Variants in SAMD11 observed in about 807,000 individuals in gnomAD.
SAMD11 encodes sterile alpha motif domain-containing protein 11.
A neutral mutation model predicts 64.4 loss-of-function variants in SAMD11; 77 were observed. The observed-to-expected ratio is 1.20, with a 90% CI of 0.99 to 1.44. The LOEUF is 1.44. SAMD11 is among the 40% of genes most tolerant of loss of function. The pLI, the probability that SAMD11 is intolerant of heterozygous loss-of-function variation, is 0.00. For missense variants in SAMD11, 1,402 were observed against 943.3 expected (o/e 1.49, Z -6.37); for synonymous variants, 658 against 421.9 (o/e 1.56, Z -6.86).
intron 2 of SAMD11, among the ~76,000 whole-genome samples, chr1:926,758 T>G (rs549410465): frequency 2.0e-5 from 3 of 152,194 alleles, no homozygotes; most frequent in Non-Finnish European, 4.4e-5. Flanking sequence ...GTTAGAGGAT[T>G]GATCTGAAAA....
At chr1:933,608 C>T (rs374515586) in intron 4 of SAMD11, among the ~76,000 whole-genome samples, 1 of 152,204 alleles carries the variant, frequency 6.6e-6, no homozygotes, top group African/African-American at 2.4e-5. Flanking sequence ...CAGCCCTCAG[C>T]CCCCACCCCA....
At chr1:942,075 G>A (rs1032117043) in intron 8 of SAMD11, 61 bp from the exon 9 acceptor site, 47 of 504,020 alleles carry the variant, frequency 9.3e-5, no homozygotes, top group Non-Finnish European at 1.6e-4. Flanking sequence ...GGGGAGGGGC[G>A]CCGGGGCCTT....
At chr1:937,246 G>A (rs534710272) in intron 5 of SAMD11, among the ~76,000 whole-genome samples, 153 of 152,198 alleles carry the variant, frequency 1.0e-3, no homozygotes, top group Non-Finnish European at 1.8e-3. Context: ...GGGCCCTCCC[G>A]CTAAGCCGCA....
chr1:934,932 GGGGGGGGCGGCTGCGTTACAGGTGGGC>G (rs1457691411), intron 4 of SAMD11, among the ~76,000 whole-genome samples: 3 of 104,236 alleles, frequency 2.9e-5, no homozygotes, highest in African/African-American at 1.1e-4. Flanking sequence ...ACAGGTGGGC[GGGGGGGGCGGCTGCGTTACAGGTGGGC>G]GGGCGGTGCT....
rs201970889 is a variant in SAMD11 at position 931,090 on chromosome 1, G to C, written c.842+1G>C. On this transcript the variant is annotated splice_donor_variant, in intron 4 of 13. Transcript: ENST00000616016. LOFTEE classifies it high-confidence loss of function. Reference sequence around the variant, plus strand: ...TCTCTTTCCGAGAGGCGTCCTGCAGGTAGGAGCCGTGCTGTGCGTGCATAA... The same window carrying C: ...TCTCTTTCCGAGAGGCGTCCTGCAGCTAGGAGCCGTGCTGTGCGTGCATAA... 4 of 1,612,204 alleles carry C rather than the reference G, an allele frequency of 2.5e-6. No homozygotes were observed. The highest frequency in any genetic ancestry group is 3.4e-6 in the Non-Finnish European group (4 of 1,179,542).
intron 4 of SAMD11, among the ~76,000 whole-genome samples, chr1:931,966 G>A (rs536193448): frequency 5.9e-5 from 9 of 152,348 alleles, no homozygotes; most frequent in African/African-American, 2.2e-4. Flanking sequence ...CAGGAAGGAG[G>A]CGTCTGCCAC....
At position 941,230 on chromosome 1, in the gene SAMD11, G is replaced by C. The variant is rs759641902; in HGVS notation, c.1282G>C (p.Gly428Arg). 1.2e-6 allele frequency: 2 copies of C among 1,601,386 alleles called. No homozygotes were observed. The highest frequency in any genetic ancestry group is 1.1e-5 in the South Asian group (1 of 89,352). ...LEAHLPSSTAGQRRKQGLAQH... is the reference protein window; with the variant it reads ...LEAHLPSSTARQRRKQGLAQH... Reference sequence around the variant, plus strand: ...AGCCCACCTGCCCTCCTCCACGGCAGGTCAGCGTCGGAAGCAGGGCCTGGC... The same window carrying C: ...AGCCCACCTGCCCTCCTCCACGGCACGTCAGCGTCGGAAGCAGGGCCTGGC... The change falls in exon 8 of 14, where the codon GGT becomes CGT. Residue 428 changes from glycine to arginine, a missense_variant. Gly to Arg is a moderately radical substitution (Grantham distance 125). Transcript: ENST00000616016.
In SAMD11 at chr1:938,946, AG is replaced by A; in HGVS notation, c.968-93del. On this transcript the variant is annotated intron_variant, in intron 5 of 13. Transcript: ENST00000616016. ...TCACCAGGACCAAGGGCCCCCTGAG[AG>A]ATGGTGGGTGCGGTCCAGGCTGAGC... 4 of 1,119,192 alleles carry A rather than the reference AG, an allele frequency of 3.6e-6. No homozygotes were observed. In the South Asian group the frequency reaches 5.3e-5, roughly 15 times the overall value. 69.3% of individuals were successfully genotyped at this position (1,119,192 alleles called of 1,614,324 possible).
At chr1:943,496 G>T (rs909390085) in intron 12 of SAMD11, 119 bp downstream of exon 12, 98 of 1,032,266 alleles carry the variant, frequency 9.5e-5, no homozygotes, top group Non-Finnish European at 6.7e-5. Flanking sequence ...CAAAAGCAGT[G>T]CGCAGCAGGG....
Position 935,890 on chromosome 1 carries a change from C to T in SAMD11, c.961C>T (p.Pro321Ser). The T allele has an allele frequency of 6.2e-7, 1 of 1,612,574 alleles. No individual in the cohort carries two copies. ...AGGCAGCCTGGAGATTGGCCTGCGA[C>T]CCGCCGGTGAGGAGCACAGGGGGCC... ...QRGSLEIGLR[P>S]AGDLLGKRLG... The change falls in exon 5 of 14, where the codon CCC becomes TCC. Residue 321 changes from proline (P) to serine (S), a missense_variant. Physicochemically the swap from Pro to Ser is moderately conservative, Grantham distance 74. Coordinates refer to ENST00000616016, the MANE Select transcript of SAMD11 (RefSeq NM_001385641.1).
At chr1:938,161 G>A (rs1641557060) in intron 5 of SAMD11, among the ~76,000 whole-genome samples, 1 of 152,198 alleles carries the variant, frequency 6.6e-6, no homozygotes, top group South Asian at 2.1e-4. Flanking sequence ...GTACATGGAT[G>A]GTGTGGTCTG....
rs1641812013 is a variant in SAMD11, at chr1:942,130, C to G, written c.1359-6C>G. On this transcript the variant is annotated splice_region_variant and splice_polypyrimidine_tract_variant and intron_variant, in intron 8 of 13. Coordinates refer to ENST00000616016, the MANE Select transcript of SAMD11 (RefSeq NM_001385641.1). Reference sequence around the variant, plus strand: ...GGGACGCCGCTCATTGCGCTGCCGTCCACAGGGAGCTGCCTCAGCCGCCCC... The same window carrying G: ...GGGACGCCGCTCATTGCGCTGCCGTGCACAGGGAGCTGCCTCAGCCGCCCC... 1 of 1,228,952 alleles carries G rather than the reference C, an allele frequency of 8.1e-7. No homozygotes were observed. The highest frequency in any genetic ancestry group is 1.1e-6 in the Non-Finnish European group (1 of 904,834). 76.1% of individuals were successfully genotyped at this position (1,228,952 alleles called of 1,614,324 possible).
At chr1:925,845 G>T (rs541594627) in intron 1 of SAMD11, 77 bp from the exon 2 acceptor site, 33 of 1,018,742 alleles carry the variant, frequency 3.2e-5, no homozygotes, top group Admixed American at 2.2e-4. Flanking sequence ...AGCCGGGGAG[G>T]GGGTACTGGC....
At chr1:926,854 C>T (rs1640915854) in intron 2 of SAMD11, among the ~76,000 whole-genome samples, 1 of 152,166 alleles carries the variant, frequency 6.6e-6, no homozygotes, top group African/African-American at 2.4e-5. Flanking sequence ...CTGACACACT[C>T]AGGAACCCCT....
rs201596485 is a variant in SAMD11, at chr1:939,334, C to T, written c.1117C>T (p.Arg373Trp). Residue 373 changes from arginine (R) to tryptophan (W), a missense_variant, in exon 7 of 14, where the codon CGG becomes TGG. Transcript: ENST00000616016. ...CATGGCCCCGGAGGACCATTACCGC[C>T]GGCTTGTGTCAGCACTGAGCGAGGC... Reference protein sequence around the residue: ...PSMAPEDHYRRLVSALSEAST... With the variant: ...PSMAPEDHYRWLVSALSEAST... 2.7e-4 allele frequency: 436 copies of T among 1,612,252 alleles called. 5 individuals carry two copies. In the South Asian group the frequency reaches 4.5e-3, roughly 17 times the overall value.
At position 942,983 on chromosome 1, in the gene SAMD11, G is replaced by C. The variant is rs528834495; in HGVS notation, c.1978G>C (p.Glu660Gln). Reference protein sequence around the residue: ...GQAPAGGAGAEGKGLFPGSTL... With the variant: ...GQAPAGGAGAQGKGLFPGSTL... Reference sequence around the variant, plus strand: ...AGCTCCAGCTGGAGGGGCCGGCGCCGAGGGGAAGGGGCTTTTCCCAGGGTC... The same window carrying C: ...AGCTCCAGCTGGAGGGGCCGGCGCCCAGGGGAAGGGGCTTTTCCCAGGGTC... Residue 660 changes from glutamate to glutamine, a missense_variant, in exon 11 of 14, where the codon GAG becomes CAG. Physicochemically the swap from Glu to Gln is conservative, Grantham distance 29. Transcript: ENST00000616016. The C allele has an allele frequency of 2.6e-6, 4 of 1,536,696 alleles. No individual in the cohort carries two copies. The highest frequency in any genetic ancestry group is 2.4e-5 in the East Asian group (1 of 41,890).
intron 2 of SAMD11, 118 bp from the exon 3 acceptor site, chr1:930,037 T>C: frequency 8.2e-7 from 1 of 1,214,810 alleles, no homozygotes; most frequent in South Asian, 1.6e-5. Flanking sequence ...CGGCCTGGGG[T>C]GCGAGACCAG....
chr1:931,150 CCT>C (rs2100310512), intron 4 of SAMD11, 61 bp downstream of exon 4: 4 of 1,487,284 alleles, frequency 2.7e-6, no homozygotes, highest in Admixed American at 3.4e-5. Context: ...CCCTCCCACC[CCT>C]GACCGTGCCC....
chr1:939,407 G>A lies in SAMD11; in HGVS notation c.1190G>A (p.Ser397Asn), dbSNP rs1308078794. ...PQRLYHLGLP[S>N]HDLLRVRQEV... ...CGCCTCTACCACCTGGGCCTCCCCA[G>A]CCACGGTGAGGACCCACCCTGGCAT... The change falls in exon 7 of 14, where the codon AGC becomes AAC. Residue 397 changes from serine to asparagine, a missense_variant. Physicochemically the swap from Ser to Asn is conservative, Grantham distance 46. Transcript: ENST00000616016. 1.4e-6 allele frequency: 2 copies of A among 1,442,010 alleles called. No individual in the cohort carries two copies. The highest frequency in any genetic ancestry group is 2.2e-5 in the East Asian group (1 of 44,630). The allele number at this position is 1,442,010 out of a possible 1,614,324, so 89.3% of individuals were successfully genotyped here.
Sources: allele counts gnomAD v4.1 joint callset (sites outside exome capture counted in the v4.1 genomes callset), GRCh38; gene constraint gnomAD v4.1.1; transcripts MANE v1.5; gene names NCBI Gene and HGNC (gene_info 2026-07-23, HGNC 2026-07-21).